The following CRPPA variants were observed in gnomAD, a reference collection of about 807,000 sequenced individuals.
CRPPA encodes D-ribitol-5-phosphate cytidylyltransferase.
In CRPPA, 43 loss-of-function variants were observed where a neutral mutation model predicts 52.0. That is an observed-to-expected ratio of 0.83 (90% CI 0.65 to 1.07). The LOEUF (loss-of-function observed/expected upper bound fraction) is 1.07, where lower values mean the gene tolerates loss of function less well. Ranked by LOEUF, CRPPA falls within the 50% of genes least tolerant of loss-of-function variation. CRPPA has a pLI of 0.00. For missense variants in CRPPA, 629 were observed against 551.7 expected (o/e 1.14, Z -1.40); for synonymous variants, 250 against 203.5 (o/e 1.23, Z -1.94).
intron 8 of CRPPA, among the ~76,000 whole-genome samples, chr7:16,245,590 A>T (rs935479969): frequency 2.0e-5 from 3 of 152,208 alleles, no homozygotes; most frequent in Non-Finnish European, 2.9e-5. Context: ...GATTCTAGAC[A>T]TAATCTAGTG....
chr7:16,130,821 T>G (rs929345037), intron 9 of CRPPA, among the ~76,000 whole-genome samples: 1 of 152,170 alleles, frequency 6.6e-6, no homozygotes, highest in African/African-American at 2.4e-5. Context: ...TGAAGCTTCA[T>G]GCTCAGTGAG....
At chr7:16,286,980 C>T (rs1248607533) in intron 5 of CRPPA, among the ~76,000 whole-genome samples, 1 of 152,112 alleles carries the variant, frequency 6.6e-6, no homozygotes, top group Admixed American at 6.6e-5. Flanking sequence ...TTCCTTATAG[C>T]CAATAATCAT....
chr7:16,143,596 C>A (rs1272965705), intron 9 of CRPPA, among the ~76,000 whole-genome samples: 1 of 152,160 alleles, frequency 6.6e-6, no homozygotes, highest in Non-Finnish European at 1.5e-5. Context: ...AAGTCTATTG[C>A]TCTCTGACAG....
intron 1 of CRPPA, among the ~76,000 whole-genome samples, chr7:16,415,132 T>G (rs149471873): frequency 2.0e-5 from 3 of 152,310 alleles, no homozygotes; most frequent in African/African-American, 7.2e-5. Flanking sequence ...TGATAAGTAG[T>G]TTTCTAAGCA....
At chr7:16,382,657 A>T (rs1787132214) in intron 2 of CRPPA, among the ~76,000 whole-genome samples, 1 of 151,984 alleles carries the variant, frequency 6.6e-6, no homozygotes, top group Admixed American at 6.6e-5. Context: ...GTCTTTTCAC[A>T]TAGTCCCATA....
intron 3 of CRPPA, among the ~76,000 whole-genome samples, chr7:16,310,154 G>A (rs1785002898): frequency 1.3e-5 from 2 of 151,992 alleles, no homozygotes; most frequent in African/African-American, 2.4e-5. Context: ...GATTCACCAT[G>A]GGGGGGTTAT....
chr7:16,286,087 TAAAAA>T (rs1206296972), intron 5 of CRPPA, among the ~76,000 whole-genome samples: 2 of 15,516 alleles, frequency 1.3e-4, no homozygotes, highest in Admixed American at 1.0e-3. Flanking sequence ...ATATAATATT[TAAAAA>T]AAAAAATATA....
At chr7:16,322,895 C>A (rs1216111812) in intron 3 of CRPPA, among the ~76,000 whole-genome samples, 1 of 152,054 alleles carries the variant, frequency 6.6e-6, no homozygotes, top group Non-Finnish European at 1.5e-5. Context: ...AGGAAACTTA[C>A]AATTATGGCA....
chr7:16,182,178 T>C (rs931516863), intron 9 of CRPPA, among the ~76,000 whole-genome samples: 1 of 152,032 alleles, frequency 6.6e-6, no homozygotes, highest in African/African-American at 2.4e-5. Context: ...ACCCAACTAA[T>C]TGATGCCAGG....
At chr7:16,342,798 T>TATATATATATATATAAATATATAGATATA (rs1491461185) in intron 3 of CRPPA, among the ~76,000 whole-genome samples, 1 of 101,254 alleles carries the variant, frequency 9.9e-6, no homozygotes, top group Non-Finnish European at 1.9e-5. Context: ...TATATATATA[T>TATATATATATATATAAATATATAGATATA]CTATATAGAT....
At chr7:16,243,282 C>T (rs142457666) in intron 8 of CRPPA, among the ~76,000 whole-genome samples, 271 of 152,236 alleles carry the variant, frequency 1.8e-3, no homozygotes, top group African/African-American at 5.9e-3. Flanking sequence ...TGAAGCCTCC[C>T]CAGCCATGTG....
intron 8 of CRPPA, among the ~76,000 whole-genome samples, chr7:16,248,768 A>C (rs571803944): frequency 2.0e-5 from 3 of 152,136 alleles, no homozygotes; most frequent in African/African-American, 7.2e-5. Flanking sequence ...GCGTCGCCTC[A>C]CCTGGGAAGT....
At chr7:16,199,297 T>TGGTAGCTGGG (rs1781800301) in intron 9 of CRPPA, among the ~76,000 whole-genome samples, 1 of 152,184 alleles carries the variant, frequency 6.6e-6, no homozygotes, top group Non-Finnish European at 1.5e-5. Flanking sequence ...CTCTTTACCC[T>TGGTAGCTGGG]ATCAGTAGTT....
At chr7:16,397,627 CGT>C (rs1010032347) in intron 2 of CRPPA, among the ~76,000 whole-genome samples, 6 of 152,198 alleles carry the variant, frequency 3.9e-5, no homozygotes, top group African/African-American at 7.2e-5. Flanking sequence ...GTGACCAACA[CGT>C]GTGTGACACG....
At chr7:16,097,890 C>T (rs1403148551) in intron 9 of CRPPA, among the ~76,000 whole-genome samples, 1 of 152,132 alleles carries the variant, frequency 6.6e-6, no homozygotes, top group Non-Finnish European at 1.5e-5. Context: ...TATGTAGCAC[C>T]TTGCAAGTGT....
At chr7:16,286,044 A>ATATTTAAAAAAAAAAAATAT (rs1784429511) in intron 5 of CRPPA, among the ~76,000 whole-genome samples, 1 of 12,546 alleles carries the variant, frequency 8.0e-5, no homozygotes, top group Non-Finnish European at 1.2e-4. Flanking sequence ...AAAAAATATA[A>ATATTTAAAAAAAAAAAATAT]ATATATATAT....
chr7:16,331,755 G>T (rs1004134755), intron 3 of CRPPA, among the ~76,000 whole-genome samples: 1 of 152,148 alleles, frequency 6.6e-6, no homozygotes, highest in African/African-American at 2.4e-5. Context: ...GGCTGAGGAA[G>T]AATCTCTGAG....
chr7:16,197,327 G>C (rs1781761416), intron 9 of CRPPA, among the ~76,000 whole-genome samples: 1 of 152,114 alleles, frequency 6.6e-6, no homozygotes, highest in South Asian at 2.1e-4. Context: ...ACCCTGAAAA[G>C]AATCAGTAAA....
chr7:16,291,293 GT>G (rs1403193187), intron 5 of CRPPA, among the ~76,000 whole-genome samples: 1 of 151,924 alleles, frequency 6.6e-6, no homozygotes, highest in Admixed American at 6.6e-5. Flanking sequence ...GTACCCCAAT[GT>G]TTGTTGCAGC....
Sources: gnomAD v4.1 joint callset for allele counts (sites outside exome capture counted in the v4.1 genomes callset) on GRCh38, gnomAD v4.1.1 for gene constraint, MANE v1.5 for transcripts, NCBI Gene and HGNC (gene_info 2026-07-23, HGNC 2026-07-21) for gene names.